The following KCNIP4 variants were observed in gnomAD, a reference collection of about 807,000 sequenced individuals.
The protein encoded by KCNIP4 is Kv channel-interacting protein 4.
KCNIP4 carries 12 observed loss-of-function variants against 34.0 expected under a neutral mutation model. That is an observed-to-expected ratio of 0.35 (90% CI 0.23 to 0.57). The LOEUF is 0.57. Among genes scored for constraint, KCNIP4 ranks in the 20% least tolerant of loss-of-function variants. The probability of loss-of-function intolerance (pLI) is 0.83; values close to 1 mark genes in which losing one functional copy is unlikely to be tolerated. For synonymous variants in KCNIP4, 124 were observed against 102.2 expected (o/e 1.21, Z -1.29); for missense variants, 238 against 311.7 (o/e 0.76, Z 1.78).
chr4:21,748,246 G>A (rs1028385716), intron 1 of KCNIP4, among the ~76,000 whole-genome samples: 2 of 152,178 alleles, frequency 1.3e-5, no homozygotes, highest in Admixed American at 6.5e-5. Flanking sequence ...AGCACCAAAA[G>A]AGCAGAGTCA....
chr4:20,787,693 A>G (rs1035123697), intron 3 of KCNIP4, among the ~76,000 whole-genome samples: 5 of 152,084 alleles, frequency 3.3e-5, no homozygotes, highest in African/African-American at 1.2e-4. Flanking sequence ...CATTTTATTG[A>G]TTTTTGAACA....
intron 1 of KCNIP4, among the ~76,000 whole-genome samples, chr4:21,146,552 A>T (rs1352411938): frequency 6.6e-6 from 1 of 152,234 alleles, no homozygotes; most frequent in Non-Finnish European, 1.5e-5. Flanking sequence ...GTACTTCTAA[A>T]GTGATGAGAA....
intron 1 of KCNIP4, among the ~76,000 whole-genome samples, chr4:20,983,373 C>T (rs201949257): frequency 2.6e-5 from 4 of 152,258 alleles, no homozygotes; most frequent in Admixed American, 1.3e-4. Context: ...ATAAACCACC[C>T]GGGTTCACCC....
intron 2 of KCNIP4, among the ~76,000 whole-genome samples, chr4:20,861,469 C>T (rs922821742): frequency 3.9e-5 from 6 of 152,100 alleles, no homozygotes; most frequent in African/African-American, 1.4e-4. Flanking sequence ...CAGACCAACC[C>T]GAGCAATTGG....
intron 1 of KCNIP4, among the ~76,000 whole-genome samples, chr4:21,620,505 C>T (rs1001540536): frequency 3.3e-5 from 5 of 151,268 alleles, no homozygotes; most frequent in African/African-American, 7.3e-5. Flanking sequence ...AATAAAAATA[C>T]GATAAAATAA....
intron 1 of KCNIP4, among the ~76,000 whole-genome samples, chr4:20,952,646 C>T (rs1297776114): frequency 6.6e-6 from 1 of 152,078 alleles, no homozygotes; most frequent in Admixed American, 6.5e-5. Context: ...CTTTATACCA[C>T]TTTTGAATAA....
chr4:21,737,849 C>T (rs990305837), intron 1 of KCNIP4, among the ~76,000 whole-genome samples: 8 of 151,918 alleles, frequency 5.3e-5, no homozygotes, highest in Non-Finnish European at 7.4e-5. Flanking sequence ...CTTTGGGAGG[C>T]CAAGATGAGC....
At chr4:21,855,587 T>C (rs1242901289) in intron 1 of KCNIP4, 1 of 152,188 alleles carries the variant, frequency 6.6e-6, no homozygotes, top group Non-Finnish European at 1.5e-5. Context: ...TAGCAGTTTC[T>C]TTTTTCTGGG....
chr4:21,567,801 A>G (rs1172608822), intron 1 of KCNIP4, among the ~76,000 whole-genome samples: 1 of 152,126 alleles, frequency 6.6e-6, no homozygotes, highest in African/African-American at 2.4e-5. Context: ...AATATTGAGT[A>G]TCCTGAGGAA....
chr4:21,778,259 G>C (rs1719326598), intron 1 of KCNIP4, among the ~76,000 whole-genome samples: 1 of 88,232 alleles, frequency 1.1e-5, no homozygotes, highest in Non-Finnish European at 2.1e-5. Flanking sequence ...TTTTGAGACA[G>C]GGTTTCACTC....
intron 1 of KCNIP4, among the ~76,000 whole-genome samples, chr4:21,013,919 A>G (rs1739282425): frequency 6.6e-6 from 1 of 152,170 alleles, no homozygotes. Flanking sequence ...CAGCTTCCAT[A>G]GTACTCTGCT....
At chr4:21,008,808 G>A (rs528142655) in intron 1 of KCNIP4, among the ~76,000 whole-genome samples, 3 of 152,104 alleles carry the variant, frequency 2.0e-5, no homozygotes, top group South Asian at 4.2e-4. Flanking sequence ...ACAGACGTGA[G>A]CCACCGCGCC....
chr4:21,234,115 TTA>T (rs1560198216), intron 1 of KCNIP4, among the ~76,000 whole-genome samples: 1 of 98,094 alleles, frequency 1.0e-5, no homozygotes, highest in Non-Finnish European at 1.8e-5. Flanking sequence ...ATAACGTATA[TTA>T]TATATAACAT....
chr4:21,731,863 T>A (rs192757868), intron 1 of KCNIP4, among the ~76,000 whole-genome samples: 3 of 152,182 alleles, frequency 2.0e-5, no homozygotes, highest in African/African-American at 4.8e-5. Context: ...GCTAAATACA[T>A]ATGGACCTCC....
chr4:20,802,134 CTATATATGCTATATATATGCTA>C lies in KCNIP4; in HGVS notation c.289-43266_289-43245del, dbSNP rs1207231793. 4.1e-3 allele frequency among the ~76,000 whole-genome samples: 565 copies of C among 137,468 alleles called. 14 individuals carry two copies. Among genetic ancestry groups the C allele is most frequent in the Middle Eastern group, 0.02 (5 of 252 alleles). 90.2% of individuals were successfully genotyped at this position (137,468 alleles called of 152,430 possible). A position where few individuals can be genotyped will look rare whatever the true frequency, so the allele number is the denominator to read the frequency against. On this transcript the variant is annotated intron_variant, in intron 3 of 8. Transcript: ENST00000382152. ...ATGCTATATATATGCTATATATATG[CTATATATGCTATATATATGCTA>C]TATATATGCTATATATGCTATATAT...
At chr4:20,828,824 T>A (rs1718078541) in intron 3 of KCNIP4, among the ~76,000 whole-genome samples, 1 of 152,180 alleles carries the variant, frequency 6.6e-6, no homozygotes, top group Non-Finnish European at 1.5e-5. Flanking sequence ...GGATGCTGGA[T>A]GCAAGGACTA....
At chr4:20,884,947 C>A (rs1265755817) in intron 1 of KCNIP4, among the ~76,000 whole-genome samples, 1 of 152,082 alleles carries the variant, frequency 6.6e-6, no homozygotes, top group African/African-American at 2.4e-5. Context: ...GTGATCCACC[C>A]ACCTTGGCCT....
At chr4:20,971,280 A>G (rs1734923868) in intron 1 of KCNIP4, among the ~76,000 whole-genome samples, 1 of 152,198 alleles carries the variant, frequency 6.6e-6, no homozygotes, top group Non-Finnish European at 1.5e-5. Context: ...ACTTCTCAGT[A>G]TGGGGATGAG....
At chr4:21,297,698 C>G (rs759597070) in intron 1 of KCNIP4, among the ~76,000 whole-genome samples, 1 of 152,024 alleles carries the variant, frequency 6.6e-6, no homozygotes, top group Non-Finnish European at 1.5e-5. Flanking sequence ...AAAATCAGAG[C>G]TACAATTATG....
Sources: allele counts gnomAD v4.1 joint callset (sites outside exome capture counted in the v4.1 genomes callset), GRCh38; gene constraint gnomAD v4.1.1; transcripts MANE v1.5; gene names NCBI Gene and HGNC (gene_info 2026-07-23, HGNC 2026-07-21).